The following MCM5 variants were observed in gnomAD, a reference collection of about 807,000 sequenced individuals.
The protein encoded by MCM5 is DNA replication licensing factor MCM5.
A neutral mutation model predicts 79.9 loss-of-function variants in MCM5; 46 were observed. The observed-to-expected ratio is 0.58, with a 90% CI of 0.45 to 0.74. The LOEUF is 0.74. MCM5 is among the 30% of genes least tolerant of loss of function. The pLI, the probability that MCM5 is intolerant of heterozygous loss-of-function variation, is 0.00. For missense variants in MCM5, 883 were observed against 1,017.0 expected (o/e 0.87, Z 1.79); for synonymous variants, 404 against 390.5 (o/e 1.03, Z -0.41).
Position 35,416,347 on chromosome 22 carries a change from A to G in MCM5, c.1356A>G (p.Glu452=). 6.2e-7 allele frequency: 1 copy of G among 1,613,980 alleles called. No individual in the cohort carries two copies. The highest frequency in any genetic ancestry group is 8.5e-7 in the Non-Finnish European group (1 of 1,180,008). Residue 452 remains glutamate, a synonymous_variant, in exon 11 of 17, where the codon GAA becomes GAG. Transcript: ENST00000216122. ...CTCTCTTCCCCACTTAGATGCGAGAAGATGACCGTGTGGCAATCCACGAAG... is the reference window on the plus strand; with the variant it reads ...CTCTCTTCCCCACTTAGATGCGAGAGGATGACCGTGTGGCAATCCACGAAG... ...VCIDEFDKMR[E]DDRVAIHEAM... is the part of the protein sequence containing the mutation.
the MCM5 span, among the ~76,000 whole-genome samples, chr22:35,440,793 C>T: frequency 7.0e-4 from 106 of 152,198 alleles, no homozygotes; most frequent in African/African-American, 2.5e-3. Flanking sequence ...TGTGGTGGCT[C>T]GCACTTGTAA....
chr22:35,420,060 C>A, intron 14 of MCM5, 48 bp downstream of exon 14: 1 of 1,557,192 alleles, frequency 6.4e-7, no homozygotes. Flanking sequence ...GCTTGCTTTA[C>A]ACAGCAGGGT....
chr22:35,438,614 T>TTCATCCATCCATCCACCCACATAC, the MCM5 span, among the ~76,000 whole-genome samples: 1 of 142,712 alleles, frequency 7.0e-6, no homozygotes, highest in Non-Finnish European at 1.5e-5. Context: ...CACCCACATA[T>TTCATCCATCCATCCACCCACATAC]TCATCCATCC....
chr22:35,429,044 A>G (rs1000510830), downstream of MCM5, among the ~76,000 whole-genome samples: 4 of 115,346 alleles, frequency 3.5e-5, no homozygotes, highest in East Asian at 2.9e-4. Flanking sequence ...GGAGTGTAGT[A>G]TCATGATCTC....
chr22:35,411,558 G>C (rs1458488711), intron 7 of MCM5: 1 of 152,350 alleles, frequency 6.6e-6, no homozygotes, highest in African/African-American at 2.4e-5. Context: ...TGGTGTAAGA[G>C]GCCTTGAGTG....
chr22:35,453,819 T>TATATATATATATATAGAG, the MCM5 span, among the ~76,000 whole-genome samples: 9 of 81,548 alleles, frequency 1.1e-4, no homozygotes, highest in East Asian at 3.4e-4. Flanking sequence ...TATATATATA[T>TATATATATATATATAGAG]AGAGAGAGAG....
At chr22:35,408,864 G>A (rs1238462297) in intron 6 of MCM5, among the ~76,000 whole-genome samples, 1 of 152,224 alleles carries the variant, frequency 6.6e-6, no homozygotes, top group Non-Finnish European at 1.5e-5. Flanking sequence ...GCTTTCCAAA[G>A]TCTGTGTTCT....
chr22:35,437,792 G>T, the MCM5 span, among the ~76,000 whole-genome samples: 1 of 152,178 alleles, frequency 6.6e-6, no homozygotes. Flanking sequence ...GTTAAAAACT[G>T]ATGCTGGTTT....
intron 9 of MCM5, 73 bp from the exon 10 acceptor site, chr22:35,415,756 G>A: frequency 6.5e-7 from 1 of 1,540,588 alleles, no homozygotes; most frequent in Non-Finnish European, 8.8e-7. Context: ...CACAACCTCA[G>A]TGGGTCTTTT....
Position 35,400,425 on chromosome 22 carries a change from C to T in MCM5, c.-8-6C>T. The T allele has an allele frequency of 6.2e-7, 1 of 1,613,984 alleles. No individual in the cohort carries two copies. The highest frequency in any genetic ancestry group is 2.2e-5 in the East Asian group (1 of 44,870). On this transcript the variant is annotated splice_polypyrimidine_tract_variant and splice_region_variant and intron_variant, in intron 1 of 16. Coordinates refer to ENST00000216122, the MANE Select transcript of MCM5 (RefSeq NM_006739.4). The stretch of plus-strand genomic sequence containing the variant: ...AGCCTGTTCTGGCCGTTTGTTCCCA[C>T]CCCAGGCGCAGTCATGTCGGGATTC...
chr22:35,454,495 C>T, the MCM5 span, among the ~76,000 whole-genome samples: 16 of 151,890 alleles, frequency 1.1e-4, no homozygotes, highest in East Asian at 2.7e-3. Context: ...AGGTCTTCAT[C>T]GGCAAGAGGT....
At chr22:35,418,757 A>C (rs1932616758) in intron 13 of MCM5, among the ~76,000 whole-genome samples, 1 of 152,078 alleles carries the variant, frequency 6.6e-6, no homozygotes, top group Admixed American at 6.5e-5. Flanking sequence ...CTGAATTACT[A>C]TTCAGTATTT....
At position 35,403,397 on chromosome 22, in the gene MCM5, C is replaced by T. The variant is rs374212612; in HGVS notation, c.295-17C>T. ...CTGCCCCAGTTACTAATAGCCTGTG[C>T]CCTTCCCTTTCTCCAGCTGGAGGAA... On this transcript the variant is annotated splice_polypyrimidine_tract_variant and intron_variant, in intron 3 of 16. Transcript: ENST00000216122. The T allele has an allele frequency of 2.0e-4, 319 of 1,614,038 alleles. 1 individual carries two copies. The highest frequency in any genetic ancestry group is 8.2e-4 in the Middle Eastern group (5 of 6,084).
At chr22:35,423,556 G>A (rs1215410154) in intron 16 of MCM5, 3 of 428,236 alleles carry the variant, frequency 7.0e-6, no homozygotes, top group Non-Finnish European at 1.2e-5. Flanking sequence ...TCTGTCCCAC[G>A]AAGGGGAGGG....
At chr22:35,414,075 G>T (rs1345956337) in intron 9 of MCM5, 89 bp downstream of exon 9, 14 of 795,832 alleles carry the variant, frequency 1.8e-5, no homozygotes, top group Non-Finnish European at 2.4e-5. Context: ...CACCTGTGGT[G>T]GGCTGGCTCA....
chr22:35,438,468 CATCCACAT>C, the MCM5 span, among the ~76,000 whole-genome samples: 71 of 60,058 alleles, frequency 1.2e-3, no homozygotes, highest in South Asian at 2.0e-3. Flanking sequence ...TTCATCCATC[CATCCACAT>C]ATCCATCCAT....
At position 35,416,011 on chromosome 22, in the gene MCM5, G is replaced by A. The variant is rs4645793; in HGVS notation, c.1347+39G>A. Reference sequence around the variant, plus strand: ...GGTGGGTAGTAGCCAAAAGGTGGGTGGCACCAGGGTATGTGACTTCCTGTG... The same window carrying A: ...GGTGGGTAGTAGCCAAAAGGTGGGTAGCACCAGGGTATGTGACTTCCTGTG... On this transcript the variant is annotated intron_variant, in intron 10 of 16. Coordinates refer to ENST00000216122, the MANE Select transcript of MCM5 (RefSeq NM_006739.4). 8.8e-3 allele frequency: 14,135 copies of A among 1,598,374 alleles called. 616 individuals are homozygous for A. In the African/African-American group the frequency reaches 0.12, roughly 13 times the overall value.
At chr22:35,436,289 C>T in the MCM5 span, among the ~76,000 whole-genome samples, 11 of 152,184 alleles carry the variant, frequency 7.2e-5, no homozygotes, top group Admixed American at 7.2e-4. Context: ...AGCCTCCCCA[C>T]CCACAGACCG....
At chr22:35,430,310 T>C (rs1032330081), downstream of MCM5, among the ~76,000 whole-genome samples, 7 of 152,194 alleles carry the variant, frequency 4.6e-5, no homozygotes, top group African/African-American at 1.7e-4. Flanking sequence ...TTGATAATAG[T>C]GTGGGCTGAG....
Sources: gnomAD v4.1 joint callset for allele counts (sites outside exome capture counted in the v4.1 genomes callset) on GRCh38, gnomAD v4.1.1 for gene constraint, MANE v1.5 for transcripts, NCBI Gene and HGNC (gene_info 2026-07-23, HGNC 2026-07-21) for gene names.